The following MBOAT2 variants were observed in gnomAD, a reference collection of about 807,000 sequenced individuals.
The protein encoded by MBOAT2 is membrane bound glycerophospholipid O-acyltransferase 2.
MBOAT2 carries 28 observed loss-of-function variants against 63.4 expected under a neutral mutation model. The observed-to-expected ratio is 0.44, with a 90% CI of 0.33 to 0.61. The LOEUF (loss-of-function observed/expected upper bound fraction) is 0.61, where lower values mean the gene tolerates loss of function less well. Among genes scored for constraint, MBOAT2 ranks in the 20% least tolerant of loss-of-function variants. MBOAT2 has a pLI of 0.03. For missense variants in MBOAT2, 470 were observed against 605.8 expected, an observed-to-expected ratio of 0.78 and a Z score of 2.35; for synonymous variants, 211 against 215.6, an observed-to-expected ratio of 0.98 and a Z score of 0.19.
At chr2:8,909,177 A>G (rs1665533533) in intron 3 of MBOAT2, among the ~76,000 whole-genome samples, 1 of 152,238 alleles carries the variant, frequency 6.6e-6, no homozygotes, top group Non-Finnish European at 1.5e-5. Flanking sequence ...CACACATTTC[A>G]TAGCCATGAA....
At chr2:8,975,482 C>T (rs1232319780) in intron 1 of MBOAT2, among the ~76,000 whole-genome samples, 3 of 152,026 alleles carry the variant, frequency 2.0e-5, no homozygotes, top group African/African-American at 4.8e-5. Flanking sequence ...GCCTTTCATT[C>T]ACTGAAAGGA....
intron 4 of MBOAT2, among the ~76,000 whole-genome samples, chr2:8,898,340 G>A (rs1664643171): frequency 6.6e-6 from 1 of 152,128 alleles, no homozygotes; most frequent in Admixed American, 6.5e-5. Flanking sequence ...GGGATCCATA[G>A]TTGGCAAAAG....
rs570739918 is a variant in MBOAT2 at position 8,868,335 on chromosome 2, T to C, written c.987+111A>G. 8 of 835,374 alleles carry C rather than the reference T, an allele frequency of 9.6e-6. No individual in the cohort carries two copies. In the African/African-American group the frequency reaches 1.4e-4, roughly 14 times the overall value. The allele number at this position is 835,374 out of a possible 1,614,324, so 51.7% of individuals were successfully genotyped here. ...TATTGGTTAAATGAAAGAATGAGTGTTAATATTAAAAAACCTTCAATACCA... is the reference window on the plus strand; with the variant it reads ...TATTGGTTAAATGAAAGAATGAGTGCTAATATTAAAAAACCTTCAATACCA... On this transcript the variant is annotated intron_variant, in intron 9 of 12. Coordinates refer to ENST00000305997, the MANE Select transcript of MBOAT2 (RefSeq NM_138799.4).
chr2:8,900,337 C>A (rs892143281), intron 4 of MBOAT2, among the ~76,000 whole-genome samples: 1 of 152,186 alleles, frequency 6.6e-6, no homozygotes, highest in Admixed American at 6.5e-5. Context: ...AAGTCGCATT[C>A]TTTTCATTAA....
intron 3 of MBOAT2, among the ~76,000 whole-genome samples, chr2:8,912,339 G>GAAAGAA (rs1553362350): frequency 2.0e-5 from 2 of 100,928 alleles, no homozygotes; most frequent in East Asian, 2.7e-4. Flanking sequence ...AAGAAAGAAA[G>GAAAGAA]AAAGAAAGAA....
intron 1 of MBOAT2, among the ~76,000 whole-genome samples, chr2:8,973,811 T>C (rs925666074): frequency 3.3e-5 from 5 of 152,314 alleles, no homozygotes; most frequent in South Asian, 2.1e-4. Context: ...AGCAGTATTC[T>C]GTACTGTCAA....
intron 1 of MBOAT2, among the ~76,000 whole-genome samples, chr2:9,001,398 C>T (rs1255121733): frequency 6.6e-6 from 1 of 152,146 alleles, no homozygotes; most frequent in Non-Finnish European, 1.5e-5. Context: ...ACTGGCATCA[C>T]CACAAACACA....
Position 8,917,618 on chromosome 2 carries a change from T to A in MBOAT2, c.300-8902A>T, listed in dbSNP as rs1336333887. 2.6e-5 allele frequency among the ~76,000 whole-genome samples: 4 copies of A among 152,224 alleles called. No individual in the cohort carries two copies. In the South Asian group the frequency reaches 6.2e-4, roughly 24 times the overall value. ...GGTGGGAACAGAAAGGAACTGGCGC[T>A]CGCATACACTGCCAGTGGGAGTGTA... On this transcript the variant is annotated intron_variant, in intron 3 of 12. Transcript: ENST00000305997.
intron 4 of MBOAT2, among the ~76,000 whole-genome samples, chr2:8,902,572 T>C (rs542238708): frequency 6.6e-6 from 1 of 151,896 alleles, no homozygotes; most frequent in South Asian, 2.1e-4. Flanking sequence ...TTAAAGGCGG[T>C]GCGTCTGGAG....
At position 8,854,703 on chromosome 2, in the gene MBOAT2, TA is replaced by T. The variant is rs1419120011; in HGVS notation, c.*3975del. 1 of 152,198 alleles carries T rather than the reference TA, an allele frequency of 6.6e-6. No individual in the cohort carries two copies. Among genetic ancestry groups the T allele is most frequent in the East Asian group, 1.9e-4 (1 of 5,202 alleles). The allele number at this position is 152,198 out of a possible 1,614,324, so 9.4% of individuals were successfully genotyped here. ...TTCATGAATATACAAACTAAATACT[TA>T]CAAGGTATGAACTTTAAATAGGAGA... On this transcript the variant is annotated 3_prime_UTR_variant, in exon 13 of 13. Coordinates refer to ENST00000305997, the MANE Select transcript of MBOAT2 (RefSeq NM_138799.4).
intron 1 of MBOAT2, among the ~76,000 whole-genome samples, chr2:8,982,975 A>G (rs893792066): frequency 1.3e-5 from 2 of 152,134 alleles, no homozygotes; most frequent in Non-Finnish European, 2.9e-5. Context: ...TAAGTCATGG[A>G]AAAAAATTGA....
chr2:8,931,961 T>A (rs1667348670), intron 3 of MBOAT2, among the ~76,000 whole-genome samples: 1 of 152,176 alleles, frequency 6.6e-6, no homozygotes, highest in Non-Finnish European at 1.5e-5. Context: ...TTTTTGTACC[T>A]GTACCATAAA....
At chr2:8,881,884 G>A (rs1427015832) in intron 6 of MBOAT2, among the ~76,000 whole-genome samples, 2 of 152,102 alleles carry the variant, frequency 1.3e-5, no homozygotes, top group Non-Finnish European at 2.9e-5. Context: ...TGGAAACAAC[G>A]TAATCTGTGG....
chr2:8,893,507 T>C (rs968336626), intron 4 of MBOAT2, among the ~76,000 whole-genome samples: 2 of 152,228 alleles, frequency 1.3e-5, no homozygotes, highest in Non-Finnish European at 2.9e-5. Flanking sequence ...AATTCAATAG[T>C]ATCTGAGACA....
intron 1 of MBOAT2, among the ~76,000 whole-genome samples, chr2:8,995,541 G>A (rs941968084): frequency 2.0e-5 from 3 of 151,798 alleles, no homozygotes; most frequent in East Asian, 3.8e-4. Context: ...ACGTTTTGGC[G>A]AGTACATGTT....
At chr2:9,002,066 G>A (rs73912910) in intron 1 of MBOAT2, among the ~76,000 whole-genome samples, 54 of 150,268 alleles carry the variant, frequency 3.6e-4, no homozygotes, top group African/African-American at 1.3e-3. Context: ...CACCAGTGTG[G>A]AAATGTCAGC....
intron 1 of MBOAT2, among the ~76,000 whole-genome samples, chr2:9,000,506 G>T (rs1394948100): frequency 2.6e-5 from 4 of 152,170 alleles, no homozygotes; most frequent in Admixed American, 6.5e-5. Flanking sequence ...GGCTTGTGTG[G>T]TATTAATCCA....
intron 4 of MBOAT2, among the ~76,000 whole-genome samples, chr2:8,891,450 C>G (rs889100440): frequency 6.6e-6 from 1 of 152,128 alleles, no homozygotes; most frequent in Non-Finnish European, 1.5e-5. Flanking sequence ...GCAGCAGGAA[C>G]GACTGTGCAG....
At chr2:9,000,873 T>C (rs1407697911) in intron 1 of MBOAT2, among the ~76,000 whole-genome samples, 1 of 152,250 alleles carries the variant, frequency 6.6e-6, no homozygotes, top group African/African-American at 2.4e-5. Flanking sequence ...TATTAAGTTT[T>C]TAATTCTTTT....
Sources: gnomAD v4.1 joint callset for allele counts (sites outside exome capture counted in the v4.1 genomes callset) on GRCh38, gnomAD v4.1.1 for gene constraint, MANE v1.5 for transcripts, NCBI Gene and HGNC (gene_info 2026-07-23, HGNC 2026-07-21) for gene names.